The following DLGAP2 variants were observed in gnomAD, a reference collection of about 807,000 sequenced individuals.
DLGAP2 encodes disks large-associated protein 2.
Under a neutral mutation model 100.3 loss-of-function variants are expected in DLGAP2, and 26 were observed. The observed-to-expected ratio is 0.26, with a 90% CI of 0.19 to 0.36. DLGAP2 has a LOEUF of 0.36. Ranked by LOEUF, DLGAP2 falls within the 10% of genes least tolerant of loss-of-function variation. The pLI is 1.00. For synonymous variants in DLGAP2, 886 were observed against 630.1 expected, an observed-to-expected ratio of 1.41 and a Z score of -6.08; for missense variants, 1,858 against 1,453.2, an observed-to-expected ratio of 1.28 and a Z score of -4.53.
intron 1 of DLGAP2, among the ~76,000 whole-genome samples, chr8:901,960 G>A (rs1584875663): frequency 6.6e-6 from 1 of 152,212 alleles, no homozygotes; most frequent in Non-Finnish European, 1.5e-5. Flanking sequence ...CTGGAGGGCA[G>A]CGTGGGAGCC....
chr8:745,322 T>C (rs1017319727), intron 1 of DLGAP2, among the ~76,000 whole-genome samples: 2 of 152,252 alleles, frequency 1.3e-5, no homozygotes, highest in Non-Finnish European at 2.9e-5. Context: ...AGTTTCAACC[T>C]TTTGTTGTGG....
intron 4 of DLGAP2, among the ~76,000 whole-genome samples, chr8:1,505,306 C>T (rs1010800622): frequency 1.3e-5 from 2 of 152,196 alleles, no homozygotes; most frequent in Non-Finnish European, 2.9e-5. Context: ...TGCTGTGGGA[C>T]ATTTTACAGC....
intron 6 of DLGAP2, among the ~76,000 whole-genome samples, chr8:1,615,006 T>C (rs34405566): frequency 0.35 from 53,397 of 152,226 alleles, 11,897 homozygotes; most frequent in African/African-American, 0.64. Flanking sequence ...CGCTACCTGC[T>C]GCAGGAGGGC....
chr8:1,345,953 C>T (rs1024535014), intron 3 of DLGAP2, among the ~76,000 whole-genome samples: 16 of 152,190 alleles, frequency 1.1e-4, no homozygotes, highest in South Asian at 2.1e-4. Flanking sequence ...GCTTAACTTC[C>T]GAGCCCTTGA....
chr8:987,268 T>C (rs1800515165), intron 2 of DLGAP2, among the ~76,000 whole-genome samples: 1 of 152,110 alleles, frequency 6.6e-6, no homozygotes. Flanking sequence ...AGTCACCATG[T>C]CTGAGATGGT....
At chr8:965,024 G>A (rs2701954) in intron 2 of DLGAP2, among the ~76,000 whole-genome samples, 2,755 of 147,128 alleles carry the variant, frequency 0.019, 63 homozygotes, top group African/African-American at 0.062. Context: ...TGACCCCTGC[G>A]CTGCACATGG....
chr8:1,541,690 G>C (rs182727640), intron 4 of DLGAP2, among the ~76,000 whole-genome samples: 1 of 152,214 alleles, frequency 6.6e-6, no homozygotes, highest in Non-Finnish European at 1.5e-5. Context: ...TCACCCAGAC[G>C]AGATCTAAGG....
chr8:936,876 G>T (rs75598553), intron 2 of DLGAP2, among the ~76,000 whole-genome samples: 1,820 of 152,282 alleles, frequency 0.012, 44 homozygotes, highest in African/African-American at 0.042. Flanking sequence ...TGTAGGAGAA[G>T]ATTCTGGTCC....
At chr8:1,413,502 A>G (rs1187360955) in intron 3 of DLGAP2, among the ~76,000 whole-genome samples, 1 of 152,264 alleles carries the variant, frequency 6.6e-6, no homozygotes, top group African/African-American at 2.4e-5. Flanking sequence ...GTTGTAGATT[A>G]CTTTGCACTA....
At chr8:1,322,992 G>C (rs1445174099) in intron 3 of DLGAP2, among the ~76,000 whole-genome samples, 3 of 151,842 alleles carry the variant, frequency 2.0e-5, no homozygotes, top group Non-Finnish European at 4.4e-5. Flanking sequence ...ATGCCCCATA[G>C]AATAAGTGCT....
intron 6 of DLGAP2, among the ~76,000 whole-genome samples, chr8:1,601,303 C>T (rs1796615718): frequency 6.6e-6 from 1 of 152,206 alleles, no homozygotes; most frequent in African/African-American, 2.4e-5. Context: ...TGTGATGTGT[C>T]TGTTGATCCC....
intron 2 of DLGAP2, among the ~76,000 whole-genome samples, chr8:910,112 G>A (rs1032799664): frequency 1.3e-4 from 20 of 152,180 alleles, no homozygotes; most frequent in Admixed American, 5.9e-4. Context: ...ACGGCTGCCC[G>A]GCCGTGAGAA....
intron 2 of DLGAP2, among the ~76,000 whole-genome samples, chr8:1,132,810 G>A (rs562130237): frequency 6.6e-6 from 1 of 152,346 alleles, no homozygotes; most frequent in South Asian, 2.1e-4. Context: ...TAGAAGGGCA[G>A]GACGCCCAGT....
intron 6 of DLGAP2, among the ~76,000 whole-genome samples, chr8:1,578,263 C>T (rs756933511): frequency 2.0e-5 from 3 of 152,282 alleles, no homozygotes; most frequent in Middle Eastern, 6.8e-3. Context: ...AACAACTTCT[C>T]TTCACCTGAA....
chr8:902,479 G>A (rs959156887), intron 1 of DLGAP2, among the ~76,000 whole-genome samples: 5 of 148,042 alleles, frequency 3.4e-5, no homozygotes, highest in African/African-American at 1.0e-4. Flanking sequence ...GTAGCCTAGC[G>A]TGAGTCACAG....
intron 10 of DLGAP2, among the ~76,000 whole-genome samples, chr8:1,672,050 C>T (rs959318949): frequency 1.3e-5 from 2 of 152,054 alleles, no homozygotes; most frequent in African/African-American, 4.8e-5. Flanking sequence ...GTTTTCCATT[C>T]TCTTTTGTGT....
intron 2 of DLGAP2, among the ~76,000 whole-genome samples, chr8:1,188,620 G>A (rs540262137): frequency 1.3e-5 from 2 of 152,178 alleles, no homozygotes; most frequent in African/African-American, 2.4e-5. Flanking sequence ...TTTGCCTCAC[G>A]GAATCTCACA....
intron 2 of DLGAP2, among the ~76,000 whole-genome samples, chr8:1,073,226 T>A (rs951321270): frequency 7.9e-5 from 12 of 152,332 alleles, no homozygotes; most frequent in Non-Finnish European, 1.3e-4. Context: ...TCTCTTCTGC[T>A]ATTGGAACAT....
At chr8:1,309,022 G>C (rs1800554344) in intron 3 of DLGAP2, among the ~76,000 whole-genome samples, 1 of 152,132 alleles carries the variant, frequency 6.6e-6, no homozygotes, top group Admixed American at 6.5e-5. Context: ...AGTGTCTACA[G>C]TTAAATATGG....
Sources: allele counts gnomAD v4.1 joint callset (sites outside exome capture counted in the v4.1 genomes callset), GRCh38; gene constraint gnomAD v4.1.1; transcripts MANE v1.5; gene names NCBI Gene and HGNC (gene_info 2026-07-23, HGNC 2026-07-21).